POLE: variants seen among roughly 807,000 people sequenced by gnomAD.
POLE encodes DNA polymerase epsilon, catalytic subunit, also known as DNA polymerase epsilon catalytic subunit A.
POLE carries 188 observed loss-of-function variants against 279.2 expected under a neutral mutation model. That is an observed-to-expected ratio of 0.67 (90% CI 0.60 to 0.76). POLE has a LOEUF of 0.76. Among genes scored for constraint, POLE ranks in the 30% least tolerant of loss-of-function variants. POLE has a pLI of 0.00. For synonymous variants in POLE, 1,214 were observed against 1,172.5 expected, an observed-to-expected ratio of 1.04 and a Z score of -0.72; for missense variants, 2,703 against 3,016.7, an observed-to-expected ratio of 0.90 and a Z score of 2.44.
At position 132,676,142 on chromosome 12, in the gene POLE, G is replaced by A. The variant is rs745638752; in HGVS notation, c.972C>T (p.Pro324=). 6.2e-7 allele frequency: 1 copy of A among 1,612,934 alleles called. No individual in the cohort carries two copies. The highest frequency in any genetic ancestry group is 8.5e-7 in the Non-Finnish European group (1 of 1,179,560). Reference sequence around the variant, plus strand: ...AAAAGGGGCCTTCATATTCTGGCTTGGGGGTGAACTCAAAATCTTCAATAT... The same window carrying A: ...AAAAGGGGCCTTCATATTCTGGCTTAGGGGTGAACTCAAAATCTTCAATAT... ...SEDIEDFEFT[P]KPEYEGPFCV... Residue 324 remains proline, a synonymous_variant, in exon 10 of 49, where the codon CCC becomes CCT. Coordinates refer to ENST00000320574, the MANE Select transcript of POLE (RefSeq NM_006231.4).
chr12:132,659,787 G>C, intron 25 of POLE: 1 of 368,180 alleles, frequency 2.7e-6, no homozygotes, highest in South Asian at 3.2e-5. Flanking sequence ...CCCCTCCTGG[G>C]TTCAAGAGAT....
chr12:132,642,913 G>GT lies in POLE; in HGVS notation c.4634_4635insA (p.Leu1546ProfsTer15). The GT allele has an allele frequency of 1.2e-6, 2 of 1,613,584 alleles. No individual in the cohort carries two copies. Among genetic ancestry groups the GT allele is most frequent in the Non-Finnish European group, 8.5e-7 (1 of 1,179,832 alleles). On this transcript the variant is annotated frameshift_variant, in exon 36 of 49. Coordinates refer to ENST00000320574, the MANE Select transcript of POLE (RefSeq NM_006231.4). LOFTEE classifies it high-confidence loss of function. ...CGAAGGTGTGTTTGGGGGGTGGCAG[G>GT]AGCTCAGGGCCCACCTTCTCCAGGA...
intron 16 of POLE, among the ~76,000 whole-genome samples, chr12:132,670,179 T>C (rs2042892330): frequency 6.6e-6 from 1 of 151,626 alleles, no homozygotes; most frequent in African/African-American, 2.4e-5. Context: ...GAGACCAGCC[T>C]GGCCAACATG....
intron 19 of POLE, among the ~76,000 whole-genome samples, chr12:132,667,957 C>T (rs921307124): frequency 3.9e-5 from 6 of 152,102 alleles, no homozygotes; most frequent in Non-Finnish European, 8.8e-5. Context: ...GTGGCGCACA[C>T]CTGTAGTCCC....
At position 132,642,606 on chromosome 12, in the gene POLE, T is replaced by C. The variant is rs377406943; in HGVS notation, c.4852A>G (p.Asn1618Asp). Reference protein sequence around the residue: ...LVPICVADKINYGVLDWQRHG... With the variant: ...LVPICVADKIDYGVLDWQRHG... ...CGCTGCCAGTCCAGGACCCCATAGT[T>C]GATCTTGTCAGCCACACAGATAGGC... The change falls in exon 37 of 49, where the codon AAC becomes GAC. Residue 1618 changes from asparagine to aspartate, a missense_variant. Transcript: ENST00000320574. The C allele has an allele frequency of 3.1e-6, 5 of 1,613,440 alleles. No individual in the cohort carries two copies. In the Admixed American group the frequency reaches 6.7e-5, roughly 22 times the overall value.
rs2042956350 is a variant in POLE, at chr12:132,672,658, A to C, written c.1655T>G (p.Phe552Cys). The C allele has an allele frequency of 6.2e-7, 1 of 1,614,154 alleles. No individual in the cohort carries two copies. Among genetic ancestry groups the C allele is most frequent in the Non-Finnish European group, 8.5e-7 (1 of 1,180,036 alleles). Residue 552 changes from phenylalanine to cysteine, a missense_variant, in exon 15 of 49, where the codon TTC (phenylalanine) becomes TGC (cysteine). Transcript: ENST00000320574. ...AAACCGGCAAGGGATATCGCTGCGG[A>C]AAACCCCAGACTCGAGGGCCTCCAC... ...GHVEALESGV[F>C]RSDIPCRFRM... is the part of the protein sequence containing the mutation.
At position 132,672,672 on chromosome 12, in the gene POLE, G is replaced by C. The variant is rs267603387; in HGVS notation, c.1641C>G (p.Leu547=). 6.2e-7 allele frequency: 1 copy of C among 1,614,114 alleles called. No homozygotes were observed. Among genetic ancestry groups the C allele is most frequent in the Admixed American group, 1.7e-5 (1 of 60,030 alleles). Residue 547 remains leucine (L), a synonymous_variant, in exon 15 of 49, where the codon CTC becomes CTG. Coordinates refer to ENST00000320574, the MANE Select transcript of POLE (RefSeq NM_006231.4). ...TATCGCTGCGGAAAACCCCAGACTC[G>C]AGGGCCTCCACGTGGCCCCCGACGT... is the stretch of plus-strand genomic sequence containing the variant. The part of the protein sequence containing the change: ...ETYVGGHVEA[L]ESGVFRSDIP...
intron 48 of POLE, 35 bp from the exon 49 acceptor site, chr12:132,624,845 C>T (rs747852529): frequency 1.3e-6 from 2 of 1,585,824 alleles, no homozygotes; most frequent in South Asian, 2.2e-5. Context: ...AGACCCCAGT[C>T]CACTCAGAGA....
intron 32 of POLE, among the ~76,000 whole-genome samples, chr12:132,646,610 T>C (rs2042289797): frequency 6.6e-6 from 1 of 150,932 alleles, no homozygotes; most frequent in African/African-American, 2.4e-5. Context: ...GGTGGATGGA[T>C]TACCTGAGGT....
chr12:132,625,354 C>G (rs569151136), intron 47 of POLE: 1 of 731,090 alleles, frequency 1.4e-6, no homozygotes, highest in Non-Finnish European at 2.5e-6. Flanking sequence ...TTCCTGTGGC[C>G]GAGCTGTGCA....
chr12:132,654,859 T>C (rs1392444806), intron 29 of POLE, among the ~76,000 whole-genome samples: 4 of 152,226 alleles, frequency 2.6e-5, no homozygotes, highest in Admixed American at 6.5e-5. Flanking sequence ...GGTTGTATTG[T>C]TTGTTTCACT....
rs766806062 is a variant in POLE, at chr12:132,649,804, G to A, written c.3668C>T (p.Pro1223Leu). 3.1e-6 allele frequency: 5 copies of A among 1,614,048 alleles called. No homozygotes were observed. The African/African-American group carries it at 5.3e-5, about 17-fold the overall frequency. The change falls in exon 30 of 49, where the codon CCA (proline) becomes CTA (leucine). Residue 1223 changes from proline (P) to leucine (L), a missense_variant. By Grantham distance (98) the Pro-to-Leu change is moderately conservative. Coordinates refer to ENST00000320574, the MANE Select transcript of POLE (RefSeq NM_006231.4). ...CCTCTTCACAGTGACAGGGGCTGCT[G>A]GGTGAGGCAGCTTTACGAGGCCGAA... ...EDFGLVKLPH[P>L]AAPVTVKRKR...
At chr12:132,676,330 T>G in intron 9 of POLE, 126 bp from the exon 10 acceptor site, 1 of 747,902 alleles carries the variant, frequency 1.3e-6, no homozygotes, top group Non-Finnish European at 2.3e-6. Flanking sequence ...AATGTGAAAG[T>G]GCTTTAAGCT....
Position 132,628,892 on chromosome 12 carries a change from A to G in POLE, c.6331-2575T>C, listed in dbSNP as rs2041885949. Among the ~76,000 whole-genome samples the G allele has an allele frequency of 2.6e-5, 4 of 151,372 alleles. 1 individual carries two copies. The highest frequency in any genetic ancestry group is 4.2e-4 in the South Asian group (2 of 4,792). ...GAGGGTCAGAATCAACTTCTTCCAC[A>G]CTCCTGTTAATGTTGATATTTTGAC... On this transcript the variant is annotated intron_variant, in intron 45 of 48. Transcript: ENST00000320574.
intron 26 of POLE, 188 bp from the exon 27 acceptor site, chr12:132,658,158 A>G (rs74778806): frequency 1.0e-5 from 4 of 396,894 alleles, no homozygotes; most frequent in South Asian, 3.4e-5. Flanking sequence ...ACACGTGCGT[A>G]TGTGTAAACA....
intron 32 of POLE, among the ~76,000 whole-genome samples, chr12:132,645,492 A>C (rs1053268923): frequency 6.6e-6 from 1 of 152,188 alleles, no homozygotes; most frequent in African/African-American, 2.4e-5. Context: ...AGGTGACCCA[A>C]AACAACGCAG....
At chr12:132,671,592 C>T (rs926567211) in intron 16 of POLE, among the ~76,000 whole-genome samples, 6 of 151,110 alleles carry the variant, frequency 4.0e-5, no homozygotes, top group African/African-American at 7.4e-5. Flanking sequence ...TTGCTTGAAC[C>T]CGGGAGGCAG....
In POLE at chr12:132,634,410, G is replaced by C; in HGVS notation, c.5812-32C>G. 1 of 1,592,342 alleles carries C rather than the reference G, an allele frequency of 6.3e-7. No homozygotes were observed. Among genetic ancestry groups the C allele is most frequent in the South Asian group, 1.1e-5 (1 of 88,686 alleles). ...CACATGAGACAACGCGGCTGTGTTT[G>C]CACCATCGCGGCCTGGTAGAGGGGT... On this transcript the variant is annotated intron_variant, in intron 42 of 48. Transcript: ENST00000320574. The surrounding 1 kb of genome is among the most constrained non-coding windows in gnomAD (Gnocchi z 4.0).
intron 45 of POLE, among the ~76,000 whole-genome samples, chr12:132,631,595 A>G (rs1309196184): frequency 1.3e-5 from 2 of 152,178 alleles, no homozygotes; most frequent in East Asian, 3.8e-4. Flanking sequence ...GGAAATGGAC[A>G]GTGAAGCACT....
Sources: gnomAD v4.1 joint callset for allele counts (sites outside exome capture counted in the v4.1 genomes callset) on GRCh38, gnomAD v4.1.1 for gene constraint, Gnocchi (gnomAD v3.1) non-coding constraint, MANE v1.5 for transcripts, NCBI Gene and HGNC (gene_info 2026-07-23, HGNC 2026-07-21) for gene names.